The following SSX2IP variants were observed in gnomAD, a reference collection of about 807,000 sequenced individuals.
SSX2IP encodes the protein SSX family member 2 interacting protein, also known as afadin- and alpha-actinin-binding protein.
SSX2IP carries 55 observed loss-of-function variants against 84.9 expected under a neutral mutation model. The observed-to-expected ratio is 0.65, with a 90% CI of 0.52 to 0.81. The LOEUF is 0.81. SSX2IP is among the 30% of genes least tolerant of loss of function. The pLI is 0.00. For synonymous variants in SSX2IP, 239 were observed against 234.7 expected, an observed-to-expected ratio of 1.02 and a Z score of -0.17; for missense variants, 664 against 705.2, an observed-to-expected ratio of 0.94 and a Z score of 0.66.
chr1:84,686,659 G>A (rs528623928), intron 1 of SSX2IP, among the ~76,000 whole-genome samples: 35 of 152,244 alleles, frequency 2.3e-4, no homozygotes, highest in Admixed American at 5.9e-4. Context: ...CAACATAAGC[G>A]AGTGAAGCAG....
Position 84,651,958 on chromosome 1 carries a change from G to A in SSX2IP, c.1429C>T (p.Gln477Ter). Reference sequence around the variant, plus strand: ...AAGGTAGTCATATTTAGAAACTGCTGCTTTAACCAACTGGCTCTTTCTTCT... The same window carrying A: ...AAGGTAGTCATATTTAGAAACTGCTACTTTAACCAACTGGCTCTTTCTTCT... ...FEEERASWLK[Q>*]QFLNMTTFDH... The change falls in exon 12 of 14, where the codon CAG becomes TAG. Residue 477 changes from glutamine (Q) to a stop codon, truncating the protein, a stop_gained. Transcript: ENST00000342203. LOFTEE classifies it high-confidence loss of function. 6.2e-7 allele frequency: 1 copy of A among 1,613,918 alleles called. No homozygotes were observed. Among genetic ancestry groups the A allele is most frequent in the Non-Finnish European group, 8.5e-7 (1 of 1,179,890 alleles).
chr1:84,653,160 A>C (rs750032145), intron 11 of SSX2IP, among the ~76,000 whole-genome samples: 1 of 146,880 alleles, frequency 6.8e-6, no homozygotes, highest in Non-Finnish European at 1.5e-5. Context: ...TTTAAGTTCA[A>C]ATAAACAATG....
intron 12 of SSX2IP, among the ~76,000 whole-genome samples, chr1:84,651,608 A>G (rs2102177970): frequency 6.6e-6 from 1 of 151,448 alleles, no homozygotes; most frequent in Admixed American, 6.6e-5. Flanking sequence ...CATGCCTGTA[A>G]TCCCAGCTAC....
chr1:84,677,676 C>T (rs1654559673), intron 1 of SSX2IP, among the ~76,000 whole-genome samples: 1 of 152,124 alleles, frequency 6.6e-6, no homozygotes. Context: ...TTACTTGTTG[C>T]CCTCTTAAAT....
intron 6 of SSX2IP, among the ~76,000 whole-genome samples, 174 bp from the exon 7 acceptor site, chr1:84,662,704 C>G (rs550102850): frequency 2.6e-5 from 4 of 152,126 alleles, no homozygotes; most frequent in Admixed American, 6.6e-5. Context: ...GCAATGAGAT[C>G]TCGGCACATT....
chr1:84,660,352 CT>C lies in SSX2IP; in HGVS notation c.927+1845del, dbSNP rs556570079. Among the ~76,000 whole-genome samples, 21 of 152,322 alleles carry C rather than the reference CT, an allele frequency of 1.4e-4. No homozygotes were observed. In the South Asian group the frequency reaches 4.1e-3, roughly 30 times the overall value. ...AAAGATCTCCCTGACTTACCACATACTTTTGCTAACTGAAATCTGATGATGA... is the reference window on the plus strand; with the variant it reads ...AAAGATCTCCCTGACTTACCACATACTTTGCTAACTGAAATCTGATGATGA... On this transcript the variant is annotated intron_variant, in intron 8 of 13. Transcript: ENST00000342203.
chr1:84,650,679 T>C (rs1650095299), intron 12 of SSX2IP, 152 bp from the exon 13 acceptor site: 2 of 855,836 alleles, frequency 2.3e-6, no homozygotes, highest in Non-Finnish European at 3.6e-6. Context: ...TGCTTATCTT[T>C]GTTGCATAGT....
chr1:84,651,135 C>CGAG (rs970642307), intron 12 of SSX2IP, among the ~76,000 whole-genome samples: 2 of 152,010 alleles, frequency 1.3e-5, no homozygotes, highest in Admixed American at 1.3e-4. Flanking sequence ...GGTAGTATAG[C>CGAG]GAGGGCTTGT....
At chr1:84,656,524 A>G (rs1186612889) in intron 9 of SSX2IP, 40 bp from the exon 10 acceptor site, 1 of 1,580,686 alleles carries the variant, frequency 6.3e-7, no homozygotes, top group African/African-American at 1.4e-5. Context: ...TCTTATAGCC[A>G]CCACTTAGTT....
At chr1:84,674,984 C>G (rs942872327) in intron 1 of SSX2IP, among the ~76,000 whole-genome samples, 1 of 152,106 alleles carries the variant, frequency 6.6e-6, no homozygotes. Context: ...TATTTCAGCT[C>G]AAATATAGCT....
chr1:84,679,803 CACA>C (rs2102546138), intron 1 of SSX2IP, among the ~76,000 whole-genome samples: 1 of 152,302 alleles, frequency 6.6e-6, no homozygotes, highest in African/African-American at 2.4e-5. Flanking sequence ...AGTCAATCTT[CACA>C]ACAACACTGT....
At chr1:84,663,432 A>G (rs1003484383) in intron 6 of SSX2IP, among the ~76,000 whole-genome samples, 1 of 152,184 alleles carries the variant, frequency 6.6e-6, no homozygotes, top group Non-Finnish European at 1.5e-5. Context: ...AAACTTAAAA[A>G]CCAATGATTC....
chr1:84,655,559 G>A, intron 11 of SSX2IP: 1 of 1,394,676 alleles, frequency 7.2e-7, no homozygotes, highest in Non-Finnish European at 9.5e-7. Flanking sequence ...GAGATTTCTT[G>A]TGTAAAACAC....
chr1:84,653,825 T>G (rs1301310027), intron 11 of SSX2IP, among the ~76,000 whole-genome samples: 1 of 152,038 alleles, frequency 6.6e-6, no homozygotes. Flanking sequence ...GGATAAGAGA[T>G]AATTCAACAG....
At position 84,651,972 on chromosome 1, in the gene SSX2IP, G is replaced by T; in HGVS notation, c.1415C>A (p.Ala472Asp). The change falls in exon 12 of 14, where the codon GCC becomes GAC. Residue 472 changes from alanine (A) to aspartate (D), a missense_variant. Ala to Asp is a moderately radical substitution (Grantham distance 126). Transcript: ENST00000342203. ...LERKAFEEER[A>D]SWLKQQFLNM... ...TAGAAACTGCTGCTTTAACCAACTG[G>T]CTCTTTCTTCTTCAAATGCCTTTCT... 6.2e-7 allele frequency: 1 copy of T among 1,613,456 alleles called. No homozygotes were observed. Among genetic ancestry groups the T allele is most frequent in the South Asian group, 1.1e-5 (1 of 91,038 alleles).
chr1:84,658,308 C>T lies in SSX2IP; in HGVS notation c.1078+10G>A. ...ACAACTCACTTTACATGCATAGAAG[C>T]AGTGGTTACCTTGGTTATCAAGCTT... On this transcript the variant is annotated intron_variant, in intron 9 of 13. Transcript: ENST00000342203. The T allele has an allele frequency of 6.2e-7, 1 of 1,613,832 alleles. No individual in the cohort carries two copies. Among genetic ancestry groups the T allele is most frequent in the Non-Finnish European group, 8.5e-7 (1 of 1,179,878 alleles).
chr1:84,666,953 A>G (rs886511509), intron 4 of SSX2IP, among the ~76,000 whole-genome samples: 9 of 152,194 alleles, frequency 5.9e-5, no homozygotes, highest in Non-Finnish European at 1.2e-4. Flanking sequence ...TTAACCGACC[A>G]TAAATAATAA....
At chr1:84,648,335 C>G (rs113858166) in intron 13 of SSX2IP, among the ~76,000 whole-genome samples, 68 of 152,254 alleles carry the variant, frequency 4.5e-4, no homozygotes, top group African/African-American at 1.6e-3. Context: ...CCTTGAATTT[C>G]TTTAAGCTCC....
chr1:84,686,095 C>T (rs1043794164), intron 1 of SSX2IP, among the ~76,000 whole-genome samples: 1 of 152,100 alleles, frequency 6.6e-6, no homozygotes, highest in Non-Finnish European at 1.5e-5. Context: ...TTTGTAGCAC[C>T]GTGGCACAAA....
Sources: gnomAD v4.1 joint callset for allele counts (sites outside exome capture counted in the v4.1 genomes callset) on GRCh38, gnomAD v4.1.1 for gene constraint, MANE v1.5 for transcripts, NCBI Gene and HGNC (gene_info 2026-07-23, HGNC 2026-07-21) for gene names.